FAM20C: variants seen among roughly 807,000 people sequenced by gnomAD.
FAM20C encodes extracellular serine/threonine protein kinase FAM20C.
FAM20C carries 40 observed loss-of-function variants against 51.5 expected under a neutral mutation model. That is an observed-to-expected ratio of 0.78 (90% confidence interval 0.60 to 1.01). The LOEUF (loss-of-function observed/expected upper bound fraction) is 1.01, where lower values mean the gene tolerates loss of function less well. Among genes scored for constraint, FAM20C ranks in the 50% least tolerant of loss-of-function variants. FAM20C has a pLI of 0.00. For synonymous variants in FAM20C, 406 were observed against 380.6 expected, an observed-to-expected ratio of 1.07 and a Z score of -0.78; for missense variants, 861 against 844.7, an observed-to-expected ratio of 1.02 and a Z score of -0.24.
chr7:251,947 G>A (rs144499681), intron 5 of FAM20C, among the ~76,000 whole-genome samples: 3,620 of 152,254 alleles, frequency 0.024, 130 homozygotes, highest in African/African-American at 0.08. Context: ...CGCAGCCCCT[G>A]GAACCCCACT....
chr7:212,234 T>A (rs1290813021), intron 3 of FAM20C, among the ~76,000 whole-genome samples: 2 of 152,214 alleles, frequency 1.3e-5, no homozygotes, highest in Non-Finnish European at 2.9e-5. Flanking sequence ...AGGCCGAGGC[T>A]GGCGGATCAT....
intron 5 of FAM20C, among the ~76,000 whole-genome samples, chr7:251,677 C>T (rs1029114735): frequency 6.6e-6 from 1 of 152,182 alleles, no homozygotes; most frequent in African/African-American, 2.4e-5. Context: ...AGGCGGCCAT[C>T]GACCACCTTT....
chr7:254,452 A>T (rs1193374713), intron 5 of FAM20C, among the ~76,000 whole-genome samples: 2 of 152,220 alleles, frequency 1.3e-5, no homozygotes, highest in African/African-American at 4.8e-5. Flanking sequence ...TTCTCCACAA[A>T]CAAATAAAGC....
intron 2 of FAM20C, among the ~76,000 whole-genome samples, chr7:206,798 CCACTGTGACGCGTCGG>C: frequency 2.2e-5 from 3 of 136,394 alleles, no homozygotes; most frequent in Non-Finnish European, 3.1e-5. Flanking sequence ...GCACACGTGT[CCACTGTGACGCGTCGG>C]TCACTGTCCC....
chr7:211,819 G>A (rs1444806075), intron 3 of FAM20C, among the ~76,000 whole-genome samples: 4 of 152,224 alleles, frequency 2.6e-5, no homozygotes, highest in Admixed American at 6.5e-5. Context: ...AGGCTGGTCC[G>A]GGACTCCGTC....
intron 3 of FAM20C, among the ~76,000 whole-genome samples, chr7:230,753 T>G (rs1787637842): frequency 2.3e-5 from 1 of 43,038 alleles, no homozygotes; most frequent in African/African-American, 3.9e-5. Flanking sequence ...ATAATACCTA[T>G]TGGTAAATGA....
At chr7:243,085 A>G (rs4072786) in intron 3 of FAM20C, among the ~76,000 whole-genome samples, 14,261 of 88,756 alleles carry the variant, frequency 0.16, 600 homozygotes, top group African/African-American at 0.4. Context: ...GTGCCACCCA[A>G]GAGACCTGTG....
chr7:214,386 T>C (rs1786866929), intron 3 of FAM20C, among the ~76,000 whole-genome samples: 1 of 152,196 alleles, frequency 6.6e-6, no homozygotes, highest in Non-Finnish European at 1.5e-5. Context: ...TGTGGTATCA[T>C]GTGAAGGACA....
rs1258217336 is a variant in FAM20C, at chr7:193,302, C to A, written c.103C>A (p.Arg35=). Residue 35 remains arginine, a synonymous_variant, in exon 1 of 10, where the codon CGA becomes AGA. Transcript: ENST00000313766. ...IALDLLPRLE[R]RGARPSGEPG... is the part of the protein sequence containing the mutation. The stretch of plus-strand genomic sequence containing the variant: ...CCTGGACCTGCTGCCCAGGCTGGAG[C>A]GACGCGGCGCGCGGCCCTCGGGGGA... The A allele has an allele frequency of 1.4e-6, 2 of 1,409,976 alleles. No homozygotes were observed. 87.3% of individuals were successfully genotyped at this position (1,409,976 alleles called of 1,614,324 possible).
rs1244781029 is a variant in FAM20C at position 258,435 on chromosome 7, G to A, written c.1446-211G>A. 0.036 allele frequency among the ~76,000 whole-genome samples: 2,210 copies of A among 61,782 alleles called. 82 individuals carry two copies. Among genetic ancestry groups the A allele is most frequent in the Middle Eastern group, 0.082 (8 of 98 alleles). 40.5% of individuals were successfully genotyped at this position (61,782 alleles called of 152,430 possible). A position where few individuals can be genotyped will look rare whatever the true frequency, so the allele number is the denominator to read the frequency against. On this transcript the variant is annotated intron_variant, in intron 8 of 9. Transcript: ENST00000313766. ...GGGTGGGGTGGACCCACTGCCTGGGGTGCTGGAGATGGGTGGGATGGACCC... is the reference window on the plus strand; with the variant it reads ...GGGTGGGGTGGACCCACTGCCTGGGATGCTGGAGATGGGTGGGATGGACCC...
intron 3 of FAM20C, among the ~76,000 whole-genome samples, chr7:220,846 G>A (rs1371181501): frequency 2.0e-5 from 3 of 152,226 alleles, no homozygotes; most frequent in Non-Finnish European, 4.4e-5. Context: ...GCCCTGGGGA[G>A]CAAGGACAGG....
chr7:251,067 G>A (rs1224181001), intron 5 of FAM20C, among the ~76,000 whole-genome samples: 1 of 152,206 alleles, frequency 6.6e-6, no homozygotes, highest in Non-Finnish European at 1.5e-5. Context: ...GCTCAGAGCA[G>A]CATCTCCGGA....
chr7:224,299 A>ACAACCTGGGT (rs1562381296), intron 3 of FAM20C, among the ~76,000 whole-genome samples: 6 of 48,480 alleles, frequency 1.2e-4, no homozygotes, highest in East Asian at 7.2e-4. Flanking sequence ...ACGGAGCAGA[A>ACAACCTGGGT]TGGCACCGTC....
chr7:205,666 G>T (rs1192364673), intron 2 of FAM20C, among the ~76,000 whole-genome samples: 2 of 152,146 alleles, frequency 1.3e-5, no homozygotes, highest in Non-Finnish European at 2.9e-5. Flanking sequence ...GCTGCGCCGG[G>T]CTTGGGATCC....
At position 252,932 on chromosome 7, in the gene FAM20C, G is replaced by A. The variant is rs546506086; in HGVS notation, c.1073-2917G>A. Among the ~76,000 whole-genome samples, 5 of 152,392 alleles carry A rather than the reference G, an allele frequency of 3.3e-5. No homozygotes were observed. In the East Asian group the frequency reaches 7.7e-4, roughly 24 times the overall value. On this transcript the variant is annotated intron_variant, in intron 5 of 9. Transcript: ENST00000313766. ...TCCCAGAGGTGCACAGGTCATCCGTGCACAGCTTTGCATTTCTGCAAGGTG... is the reference window on the plus strand; with the variant it reads ...TCCCAGAGGTGCACAGGTCATCCGTACACAGCTTTGCATTTCTGCAAGGTG...
chr7:216,614 TGTGTATGA>T (rs758303712), intron 3 of FAM20C, among the ~76,000 whole-genome samples: 7,846 of 116,842 alleles, frequency 0.067, 238 homozygotes, highest in Non-Finnish European at 0.091. Flanking sequence ...TCTGTGTGTG[TGTGTATGA>T]GTGTGTGTGA....
intron 5 of FAM20C, among the ~76,000 whole-genome samples, chr7:249,741 A>C (rs188610504): frequency 2.0e-5 from 3 of 151,992 alleles, no homozygotes; most frequent in African/African-American, 7.2e-5. Flanking sequence ...CCCTGTCTCA[A>C]AAAAAAAGAA....
chr7:250,089 A>T (rs1363466512), intron 5 of FAM20C, among the ~76,000 whole-genome samples: 1 of 152,186 alleles, frequency 6.6e-6, no homozygotes, highest in Non-Finnish European at 1.5e-5. Context: ...TGTTTAATTC[A>T]TGCAGATAAA....
chr7:254,404 C>T (rs1254885890), intron 5 of FAM20C, among the ~76,000 whole-genome samples: 2 of 152,236 alleles, frequency 1.3e-5, no homozygotes, highest in East Asian at 1.9e-4. Context: ...AACAAAACCA[C>T]GTTCTCACCA....
Sources: gnomAD v4.1 joint callset for allele counts (sites outside exome capture counted in the v4.1 genomes callset) on GRCh38, gnomAD v4.1.1 for gene constraint, MANE v1.5 for transcripts, NCBI Gene and HGNC (gene_info 2026-07-23, HGNC 2026-07-21) for gene names.